Variants in MED13L observed in about 807,000 individuals in gnomAD.
The protein encoded by MED13L is mediator complex subunit 13L.
MED13L carries 7 observed loss-of-function variants against 220.9 expected under a neutral mutation model. The observed-to-expected ratio is 0.03, with a 90% CI of 0.02 to 0.06. The LOEUF (loss-of-function observed/expected upper bound fraction) is 0.06. Among genes scored for constraint, MED13L ranks in the 10% least tolerant of loss-of-function variants. The probability of loss-of-function intolerance (pLI) is 1.00; values close to 1 mark genes in which losing one functional copy is unlikely to be tolerated. For synonymous variants in MED13L, 1,011 were observed against 1,015.2 expected (o/e 1.00, Z 0.08); for missense variants, 1,965 against 2,760.5 (o/e 0.71, Z 6.46).
chr12:116,259,862 T>C (rs1224683754), intron 1 of MED13L, among the ~76,000 whole-genome samples: 1 of 152,234 alleles, frequency 6.6e-6, no homozygotes, highest in Non-Finnish European at 1.5e-5. Flanking sequence ...TAAAATTGTA[T>C]AAAATTTTTA....
chr12:116,228,738 A>G (rs1248327966), intron 2 of MED13L, among the ~76,000 whole-genome samples: 4 of 152,196 alleles, frequency 2.6e-5, no homozygotes, highest in South Asian at 2.1e-4. Context: ...ACTCCATTCA[A>G]TGTTAATGTT....
chr12:116,024,782 G>C (rs56235817), intron 4 of MED13L, among the ~76,000 whole-genome samples: 1 of 100,148 alleles, frequency 1.0e-5, no homozygotes, highest in South Asian at 4.6e-4. Flanking sequence ...GCGGGGGGGG[G>C]GGGGAGGTGA....
chr12:116,238,618 CCCA>C (rs1870318786), intron 1 of MED13L, among the ~76,000 whole-genome samples: 1 of 152,184 alleles, frequency 6.6e-6, no homozygotes, highest in African/African-American at 2.4e-5. Context: ...CATCTCCTTC[CCCA>C]CAAGGTCAGT....
In MED13L at chr12:116,111,449, G is replaced by A; in HGVS notation, c.374C>T (p.Ala125Val). ...TTACCTTTCTAACAGATTGTGGATC[G>A]CTTTGAAGAGCAGCGTCCTACATTC... ...SYECRTLLFK[A>V]IHNLLERCLM... Residue 125 changes from alanine (A) to valine (V), a missense_variant, in exon 3 of 31, where the codon GCG (alanine) becomes GTG (valine). Transcript: ENST00000281928. 6.2e-7 allele frequency: 1 copy of A among 1,611,286 alleles called. No homozygotes were observed.
At chr12:116,196,750 G>A (rs1881649719) in intron 2 of MED13L, among the ~76,000 whole-genome samples, 2 of 152,052 alleles carry the variant, frequency 1.3e-5, no homozygotes, top group Admixed American at 1.3e-4. Context: ...TCTCTTTTTG[G>A]TGGTCCAGCT....
At chr12:116,258,313 C>G (rs766143269) in intron 1 of MED13L, among the ~76,000 whole-genome samples, 2 of 152,112 alleles carry the variant, frequency 1.3e-5, no homozygotes, top group Non-Finnish European at 2.9e-5. Flanking sequence ...TAGACTCTAC[C>G]TCAAAAGGAT....
intron 2 of MED13L, among the ~76,000 whole-genome samples, chr12:116,132,849 G>A (rs542736303): frequency 6.6e-6 from 1 of 152,060 alleles, no homozygotes; most frequent in African/African-American, 2.4e-5. Context: ...GAAACAGGGA[G>A]GCAGAGGCTG....
At chr12:116,008,195 T>C in intron 10 of MED13L, 1 of 641,664 alleles carries the variant, frequency 1.6e-6, no homozygotes, top group Non-Finnish European at 2.5e-6. Context: ...TAAAGAGTTC[T>C]TTATATGCCC....
Position 115,970,760 on chromosome 12 carries a change from T to C in MED13L, c.5901A>G (p.Thr1967=), listed in dbSNP as rs749591894. 6.2e-7 allele frequency: 1 copy of C among 1,613,932 alleles called. No individual in the cohort carries two copies. Among genetic ancestry groups the C allele is most frequent in the Non-Finnish European group, 8.5e-7 (1 of 1,179,902 alleles). ...GSFVVMPDAV[T]MGSVFGRSTA... ...TACTTCGGCCAAAAACAGAGCCCAT[T>C]GTGACAGCATCTTTAAAGAAAAAAA... The change falls in exon 27 of 31, where the codon ACA becomes ACG. Residue 1967 remains threonine (T), a synonymous_variant. Coordinates refer to ENST00000281928, the MANE Select transcript of MED13L (RefSeq NM_015335.5).
At chr12:116,236,136 A>C (rs1022084383) in intron 2 of MED13L, among the ~76,000 whole-genome samples, 2 of 152,188 alleles carry the variant, frequency 1.3e-5, no homozygotes, top group African/African-American at 4.8e-5. Context: ...ATTTTACCTA[A>C]GTTAACTGCT....
intron 4 of MED13L, among the ~76,000 whole-genome samples, chr12:116,092,715 G>A (rs766034041): frequency 6.6e-6 from 1 of 152,224 alleles, no homozygotes; most frequent in Middle Eastern, 3.4e-3. Flanking sequence ...TAAGAGGAGA[G>A]AAGACAAAAA....
chr12:116,271,953 G>T (rs537554167), intron 1 of MED13L, among the ~76,000 whole-genome samples: 1 of 152,006 alleles, frequency 6.6e-6, no homozygotes, highest in African/African-American at 2.4e-5. Context: ...TAAAGAAGGG[G>T]AACATTGTTA....
At chr12:115,963,291 C>T in intron 30 of MED13L, 116 bp downstream of exon 30, 1 of 833,172 alleles carries the variant, frequency 1.2e-6, no homozygotes, top group East Asian at 2.6e-5. Flanking sequence ...TACTGTATCA[C>T]TGCACAAACG....
intron 4 of MED13L, among the ~76,000 whole-genome samples, chr12:116,033,594 C>G (rs963169766): frequency 3.3e-5 from 5 of 152,086 alleles, no homozygotes; most frequent in African/African-American, 1.2e-4. Flanking sequence ...AAAAGACCAT[C>G]AAAATATATT....
At chr12:116,204,321 G>C (rs1882184065) in intron 2 of MED13L, among the ~76,000 whole-genome samples, 1 of 152,308 alleles carries the variant, frequency 6.6e-6, no homozygotes, top group South Asian at 2.1e-4. Context: ...CAGGAGTCAG[G>C]AGCTGCCAGA....
intron 1 of MED13L, among the ~76,000 whole-genome samples, chr12:116,251,268 A>C (rs1184503541): frequency 6.8e-6 from 1 of 148,114 alleles, no homozygotes; most frequent in Non-Finnish European, 1.5e-5. Flanking sequence ...TAAATTCTCT[A>C]AATCTTACAA....
intron 1 of MED13L, among the ~76,000 whole-genome samples, chr12:116,252,696 A>C (rs898599925): frequency 4.6e-5 from 7 of 152,114 alleles, no homozygotes; most frequent in Non-Finnish European, 7.3e-5. Flanking sequence ...AAATTTGATA[A>C]TACAGAAAAA....
chr12:116,122,548 C>A (rs1391378497), intron 2 of MED13L, among the ~76,000 whole-genome samples: 1 of 152,236 alleles, frequency 6.6e-6, no homozygotes, highest in East Asian at 1.9e-4. Flanking sequence ...TGGATTGTAA[C>A]CTTCCCGATG....
chr12:116,026,053 A>G (rs1880371803), intron 4 of MED13L, among the ~76,000 whole-genome samples: 1 of 152,224 alleles, frequency 6.6e-6, no homozygotes, highest in Non-Finnish European at 1.5e-5. Flanking sequence ...GTAAAAAGAA[A>G]AAGTAAGAGA....
Sources: gnomAD v4.1 joint callset for allele counts (sites outside exome capture counted in the v4.1 genomes callset) on GRCh38, gnomAD v4.1.1 for gene constraint, MANE v1.5 for transcripts, NCBI Gene and HGNC (gene_info 2026-07-23, HGNC 2026-07-21) for gene names.